The following ARHGAP15 variants were observed in gnomAD, a reference collection of about 807,000 sequenced individuals.
ARHGAP15 encodes Rho GTPase activating protein 15.
In ARHGAP15, 51 loss-of-function variants were observed where a neutral mutation model predicts 63.7. The observed-to-expected ratio is 0.80, with a 90% CI of 0.64 to 1.01. The LOEUF (loss-of-function observed/expected upper bound fraction) is 1.01. Among genes scored for constraint, ARHGAP15 ranks in the 50% least tolerant of loss-of-function variants. ARHGAP15 has a pLI of 0.00. For synonymous variants in ARHGAP15, 191 were observed against 193.8 expected (o/e 0.99, Z 0.12); for missense variants, 560 against 564.6 (o/e 0.99, Z 0.08).
intron 6 of ARHGAP15, among the ~76,000 whole-genome samples, chr2:143,369,611 T>A (rs1036287255): frequency 3.3e-5 from 5 of 152,260 alleles, no homozygotes; most frequent in Admixed American, 6.5e-5. Flanking sequence ...TTCCAAAGTT[T>A]CCAATATAAT....
Position 143,429,651 on chromosome 2 carries a change from C to A in ARHGAP15, c.475-5950C>A, listed in dbSNP as rs144736207. ...CAATAAGCGTCTGGAAACTAATGAA[C>A]GCACATTTGTTAACATAGGGGGAGT... is the stretch of plus-strand genomic sequence containing the variant. On this transcript the variant is annotated intron_variant, in intron 6 of 13. Transcript: ENST00000295095. Among the ~76,000 whole-genome samples, 145 of 152,098 alleles carry A rather than the reference C, an allele frequency of 9.5e-4. 1 individual carries two copies. The highest frequency in any genetic ancestry group is 3.4e-3 in the Middle Eastern group (1 of 294).
At chr2:143,762,000 C>T (rs971602556) in intron 13 of ARHGAP15, among the ~76,000 whole-genome samples, 2 of 152,034 alleles carry the variant, frequency 1.3e-5, no homozygotes, top group Non-Finnish European at 2.9e-5. Context: ...ATTTCATGAA[C>T]AAATTCATAA....
At chr2:143,666,905 A>T (rs1378630220) in intron 12 of ARHGAP15, among the ~76,000 whole-genome samples, 12 of 146,124 alleles carry the variant, frequency 8.2e-5, no homozygotes, top group Admixed American at 8.1e-4. Context: ...GCAATCATTA[A>T]AAAGTCAGGA....
intron 8 of ARHGAP15, among the ~76,000 whole-genome samples, chr2:143,455,838 C>T (rs925355442): frequency 6.6e-6 from 1 of 151,996 alleles, no homozygotes; most frequent in African/African-American, 2.4e-5. Flanking sequence ...TTTAATAAAT[C>T]AAAATGCTCC....
intron 12 of ARHGAP15, among the ~76,000 whole-genome samples, chr2:143,669,357 A>T (rs550314712): frequency 6.6e-6 from 1 of 152,212 alleles, no homozygotes; most frequent in African/African-American, 2.4e-5. Context: ...TTGGACATGA[A>T]TCACTTACCT....
chr2:143,397,858 A>G (rs915608555), intron 6 of ARHGAP15, among the ~76,000 whole-genome samples: 2 of 152,134 alleles, frequency 1.3e-5, no homozygotes, highest in Non-Finnish European at 2.9e-5. Flanking sequence ...TTTGAAATGT[A>G]TATAGATAGA....
chr2:143,353,514 G>T (rs1277874615), intron 6 of ARHGAP15, among the ~76,000 whole-genome samples: 1 of 152,098 alleles, frequency 6.6e-6, no homozygotes, highest in African/African-American at 2.4e-5. Flanking sequence ...CATTGCTAAA[G>T]ATCTTTTTAT....
intron 6 of ARHGAP15, among the ~76,000 whole-genome samples, chr2:143,292,346 G>A (rs1331049554): frequency 6.6e-6 from 1 of 152,048 alleles, no homozygotes; most frequent in Non-Finnish European, 1.5e-5. Flanking sequence ...AATGCAGGAA[G>A]ATGCCAATAT....
intron 2 of ARHGAP15, among the ~76,000 whole-genome samples, chr2:143,169,180 T>C (rs924263648): frequency 2.0e-5 from 3 of 152,034 alleles, no homozygotes; most frequent in Non-Finnish European, 2.9e-5. Flanking sequence ...ACATGAAAAT[T>C]TGTATTTGTG....
intron 10 of ARHGAP15, among the ~76,000 whole-genome samples, chr2:143,539,533 C>G (rs1462938189): frequency 1.3e-5 from 2 of 151,976 alleles, no homozygotes; most frequent in East Asian, 3.9e-4. Flanking sequence ...GTAAATTTCC[C>G]CCTACGCACT....
intron 2 of ARHGAP15, among the ~76,000 whole-genome samples, chr2:143,191,065 G>A (rs530516329): frequency 1.3e-5 from 2 of 152,128 alleles, no homozygotes; most frequent in African/African-American, 4.8e-5. Context: ...CACCGCACCC[G>A]GCCCACCTAT....
At chr2:143,571,740 T>G (rs536375092) in intron 11 of ARHGAP15, 9 of 152,318 alleles carry the variant, frequency 5.9e-5, no homozygotes, top group African/African-American at 1.7e-4. Flanking sequence ...AGTACCCCAC[T>G]CCCTCTTCTT....
chr2:143,427,446 C>CT (rs1689184267), intron 6 of ARHGAP15, among the ~76,000 whole-genome samples: 2 of 152,084 alleles, frequency 1.3e-5, no homozygotes, highest in South Asian at 2.1e-4. Flanking sequence ...TCTCTAAAGA[C>CT]TTGACCCATT....
chr2:143,376,604 G>A (rs1686819798), intron 6 of ARHGAP15, among the ~76,000 whole-genome samples: 1 of 151,966 alleles, frequency 6.6e-6, no homozygotes, highest in Admixed American at 6.6e-5. Context: ...ATGTACCGTG[G>A]AAGCTAACAC....
At chr2:143,270,693 C>T (rs1349078187) in intron 6 of ARHGAP15, among the ~76,000 whole-genome samples, 1 of 152,064 alleles carries the variant, frequency 6.6e-6, no homozygotes, top group Non-Finnish European at 1.5e-5. Flanking sequence ...TTATTTTAAA[C>T]ATATAATTTA....
chr2:143,552,435 C>G, intron 10 of ARHGAP15, among the ~76,000 whole-genome samples: 1 of 152,036 alleles, frequency 6.6e-6, no homozygotes, highest in Admixed American at 6.5e-5. Flanking sequence ...TGCAAAGTGT[C>G]TAAGATTTAT....
intron 2 of ARHGAP15, among the ~76,000 whole-genome samples, chr2:143,189,981 A>G (rs1189961056): frequency 6.6e-6 from 1 of 151,780 alleles, no homozygotes; most frequent in Non-Finnish European, 1.5e-5. Context: ...TGTTTCTTGT[A>G]TTATTTCTGC....
chr2:143,138,093 A>C (rs1689217352), intron 1 of ARHGAP15, among the ~76,000 whole-genome samples: 1 of 152,236 alleles, frequency 6.6e-6, no homozygotes, highest in South Asian at 2.1e-4. Flanking sequence ...AGATGTTTAC[A>C]GTTGCTTGAG....
intron 11 of ARHGAP15, among the ~76,000 whole-genome samples, chr2:143,577,331 G>A (rs1489567392): frequency 3.3e-5 from 5 of 152,128 alleles, no homozygotes; most frequent in Non-Finnish European, 5.9e-5. Context: ...TTCAAGATAT[G>A]AGAATGCTGC....
Sources: allele counts gnomAD v4.1 joint callset (sites outside exome capture counted in the v4.1 genomes callset), GRCh38; gene constraint gnomAD v4.1.1; transcripts MANE v1.5; gene names NCBI Gene and HGNC (gene_info 2026-07-23, HGNC 2026-07-21).